The following SLX4IP variants were observed in gnomAD, a reference collection of about 807,000 sequenced individuals.
The protein encoded by SLX4IP is protein SLX4IP.
SLX4IP carries 34 observed loss-of-function variants against 32.9 expected under a neutral mutation model. The observed-to-expected ratio is 1.03, with a 90% CI of 0.79 to 1.38. SLX4IP has a LOEUF of 1.38. Ranked by LOEUF, SLX4IP falls within the 40% of genes most tolerant of loss-of-function variation. SLX4IP has a pLI of 0.00. For synonymous variants in SLX4IP, 172 were observed against 171.7 expected (o/e 1.00, Z -0.01); for missense variants, 444 against 479.0 (o/e 0.93, Z 0.68).
At chr20:10,547,434 G>A (rs2066173351) in intron 2 of SLX4IP, among the ~76,000 whole-genome samples, 1 of 152,176 alleles carries the variant, frequency 6.6e-6, no homozygotes, top group South Asian at 2.1e-4. Context: ...CCCCTCCTGA[G>A]TCCTTTTCAC....
intron 2 of SLX4IP, among the ~76,000 whole-genome samples, chr20:10,462,315 T>C (rs141815956): frequency 6.6e-6 from 1 of 152,222 alleles, no homozygotes; most frequent in Non-Finnish European, 1.5e-5. Flanking sequence ...GGATACAAAC[T>C]TCCTGTTTGA....
chr20:10,563,620 A>G (rs2066356362), intron 4 of SLX4IP, among the ~76,000 whole-genome samples: 1 of 152,206 alleles, frequency 6.6e-6, no homozygotes, highest in African/African-American at 2.4e-5. Flanking sequence ...ATTCTTCTGC[A>G]TATGGATATC....
At chr20:10,620,209 T>C (rs2067091881) in intron 6 of SLX4IP, among the ~76,000 whole-genome samples, 1 of 152,146 alleles carries the variant, frequency 6.6e-6, no homozygotes, top group Non-Finnish European at 1.5e-5. Context: ...TTATTGGAAT[T>C]TGATGGAGAA....
At chr20:10,510,076 G>T (rs562749443) in intron 2 of SLX4IP, among the ~76,000 whole-genome samples, 2 of 152,116 alleles carry the variant, frequency 1.3e-5, no homozygotes, top group Non-Finnish European at 2.9e-5. Context: ...AAAAGTCACT[G>T]GTCATTTTTG....
chr20:10,463,769 C>T (rs1028180416), intron 2 of SLX4IP, among the ~76,000 whole-genome samples: 1 of 152,128 alleles, frequency 6.6e-6, no homozygotes, highest in African/African-American at 2.4e-5. Context: ...TAGTATACTA[C>T]GTGGCTCAAC....
At chr20:10,513,777 A>G (rs1378487384) in intron 2 of SLX4IP, among the ~76,000 whole-genome samples, 1 of 152,216 alleles carries the variant, frequency 6.6e-6, no homozygotes, top group Non-Finnish European at 1.5e-5. Context: ...AGTAGTCAGT[A>G]TGCAGCACAG....
intron 2 of SLX4IP, among the ~76,000 whole-genome samples, chr20:10,481,668 C>T (rs1182608248): frequency 6.6e-6 from 1 of 152,062 alleles, no homozygotes; most frequent in Non-Finnish European, 1.5e-5. Flanking sequence ...TGTTGGTTAC[C>T]TATTTCTGGT....
At chr20:10,539,250 A>T (rs1344759762) in intron 2 of SLX4IP, among the ~76,000 whole-genome samples, 2 of 152,226 alleles carry the variant, frequency 1.3e-5, no homozygotes, top group African/African-American at 4.8e-5. Flanking sequence ...AAGAGACTGA[A>T]GGAAGAAACA....
chr20:10,554,356 G>T (rs916138131), intron 2 of SLX4IP, among the ~76,000 whole-genome samples: 3 of 152,162 alleles, frequency 2.0e-5, no homozygotes. Flanking sequence ...CTTTTGGGTT[G>T]TCTTCACGTT....
At chr20:10,529,254 T>C (rs1050156173) in intron 2 of SLX4IP, among the ~76,000 whole-genome samples, 1 of 152,140 alleles carries the variant, frequency 6.6e-6, no homozygotes, top group Non-Finnish European at 1.5e-5. Flanking sequence ...TCATTAGCCT[T>C]GTGGCTAATG....
chr20:10,573,050 C>T (rs919160339), intron 4 of SLX4IP, among the ~76,000 whole-genome samples: 1 of 152,170 alleles, frequency 6.6e-6, no homozygotes, highest in Non-Finnish European at 1.5e-5. Context: ...CCCCAACACC[C>T]GATGCATGAT....
intron 2 of SLX4IP, among the ~76,000 whole-genome samples, chr20:10,499,159 C>T (rs1034467776): frequency 1.3e-5 from 2 of 152,064 alleles, no homozygotes; most frequent in Non-Finnish European, 2.9e-5. Context: ...TACAGATTTT[C>T]AACTTTAATT....
chr20:10,611,340 G>A (rs1832343893), intron 6 of SLX4IP, among the ~76,000 whole-genome samples: 1 of 152,150 alleles, frequency 6.6e-6, no homozygotes, highest in South Asian at 2.1e-4. Context: ...AAGCAGCTTA[G>A]CCAAAAAAGG....
At chr20:10,621,245 AGT>A in intron 6 of SLX4IP, 67 bp from the exon 7 acceptor site, 1 of 1,338,906 alleles carries the variant, frequency 7.5e-7, no homozygotes, top group Non-Finnish European at 1.1e-6. Context: ...GGGCATTCAG[AGT>A]GTAACTGTTT....
intron 6 of SLX4IP, among the ~76,000 whole-genome samples, chr20:10,617,021 TATCAGA>T (rs1430880357): frequency 6.6e-6 from 1 of 152,226 alleles, no homozygotes; most frequent in East Asian, 1.9e-4. Context: ...TTCTGCTGGG[TATCAGA>T]ATCACTGAGG....
intron 2 of SLX4IP, among the ~76,000 whole-genome samples, chr20:10,509,083 C>G (rs544809767): frequency 6.6e-6 from 1 of 152,144 alleles, no homozygotes; most frequent in African/African-American, 2.4e-5. Context: ...CCTCCCACTC[C>G]GAGTCAGGGT....
At chr20:10,550,631 C>T (rs183672593) in intron 2 of SLX4IP, among the ~76,000 whole-genome samples, 8 of 152,308 alleles carry the variant, frequency 5.3e-5, no homozygotes, top group Admixed American at 5.2e-4. Context: ...TCCAGCCCAC[C>T]AGCCTCCTCA....
At chr20:10,601,616 G>A (rs1238814011) in intron 5 of SLX4IP, 115 bp from the exon 6 acceptor site, 1 of 786,654 alleles carries the variant, frequency 1.3e-6, no homozygotes, top group Admixed American at 2.2e-5. Context: ...AGAGACGTAT[G>A]TTTTATATGG....
chr20:10,617,652 CTTTTTT>C (rs549525000), intron 6 of SLX4IP, among the ~76,000 whole-genome samples: 4 of 112,764 alleles, frequency 3.5e-5, no homozygotes, highest in East Asian at 2.5e-4. Flanking sequence ...TTCTTTCTTT[CTTTTTT>C]TTTTTTTTTT....
Sources: gnomAD v4.1 joint callset for allele counts (sites outside exome capture counted in the v4.1 genomes callset) on GRCh38, gnomAD v4.1.1 for gene constraint, MANE v1.5 for transcripts, NCBI Gene and HGNC (gene_info 2026-07-23, HGNC 2026-07-21) for gene names.